The following ROBO1 variants were observed in gnomAD, a reference collection of about 807,000 sequenced individuals.
The protein encoded by ROBO1 is roundabout homolog 1.
In ROBO1, 149 loss-of-function variants were observed where a neutral mutation model predicts 195.9. The ratio of observed to expected loss-of-function variants is 0.76; its 90% CI spans 0.67 to 0.87. The LOEUF is 0.87. Among genes scored for constraint, ROBO1 ranks in the 40% least tolerant of loss-of-function variants. The pLI is 0.00. For synonymous variants in ROBO1, 816 were observed against 733.2 expected, an observed-to-expected ratio of 1.11 and a Z score of -1.82; for missense variants, 1,933 against 2,068.3, an observed-to-expected ratio of 0.93 and a Z score of 1.27.
chr3:79,584,818 T>G (rs1198041672), intron 2 of ROBO1, among the ~76,000 whole-genome samples: 1 of 151,576 alleles, frequency 6.6e-6, no homozygotes, highest in African/African-American at 2.4e-5. Flanking sequence ...CACTAGCTCA[T>G]TTAACTTTGC....
intron 2 of ROBO1, among the ~76,000 whole-genome samples, chr3:79,504,191 A>T (rs1940269983): frequency 6.6e-6 from 1 of 152,180 alleles, no homozygotes; most frequent in South Asian, 2.1e-4. Flanking sequence ...TTATATTTGA[A>T]AAGATTCTAC....
At chr3:78,985,049 C>T (rs1416873649) in intron 3 of ROBO1, among the ~76,000 whole-genome samples, 6 of 152,076 alleles carry the variant, frequency 3.9e-5, no homozygotes, top group Admixed American at 1.3e-4. Context: ...TGCAGTGGCT[C>T]GCACCTGTAA....
At chr3:79,205,293 C>T (rs971893317) in intron 2 of ROBO1, among the ~76,000 whole-genome samples, 4 of 152,070 alleles carry the variant, frequency 2.6e-5, no homozygotes, top group Middle Eastern at 3.2e-3. Context: ...CATGTCCGGC[C>T]TCTAGAGGAT....
intron 14 of ROBO1, among the ~76,000 whole-genome samples, chr3:78,662,788 G>C (rs1186885683): frequency 6.6e-6 from 1 of 152,122 alleles, no homozygotes; most frequent in Non-Finnish European, 1.5e-5. Flanking sequence ...TCATAGTAAA[G>C]AAGGTTTAAT....
intron 4 of ROBO1, among the ~76,000 whole-genome samples, chr3:78,786,097 A>G (rs567127480): frequency 6.6e-6 from 1 of 152,286 alleles, no homozygotes; most frequent in South Asian, 2.1e-4. Flanking sequence ...ACATAAGATC[A>G]GAAGTCCTTT....
intron 3 of ROBO1, among the ~76,000 whole-genome samples, chr3:78,966,819 GTCTC>G (rs2076654892): frequency 6.6e-6 from 1 of 152,006 alleles, no homozygotes; most frequent in South Asian, 2.1e-4. Context: ...ATCAGATCTG[GTCTC>G]TCTGTAGATC....
At chr3:79,606,699 C>A (rs951459933) in intron 1 of ROBO1, among the ~76,000 whole-genome samples, 3 of 152,086 alleles carry the variant, frequency 2.0e-5, no homozygotes, top group Admixed American at 1.3e-4. Context: ...CCAGTGGTCA[C>A]CCTTGATATC....
Position 78,709,004 on chromosome 3 carries a change from A to G in ROBO1, c.1045+5393T>C, listed in dbSNP as rs576061746. Reference sequence around the variant, plus strand: ...TTTTGTTTGTGTATTTTAGGTTCACAAAAAGATTTCTTGAAAGAAAGGTAT... The same window carrying G: ...TTTTGTTTGTGTATTTTAGGTTCACGAAAAGATTTCTTGAAAGAAAGGTAT... On this transcript the variant is annotated intron_variant, in intron 8 of 30. Transcript: ENST00000464233. Among the ~76,000 whole-genome samples, 5 of 152,318 alleles carry G rather than the reference A, an allele frequency of 3.3e-5. No homozygotes were observed. In the South Asian group the frequency reaches 1.0e-3, roughly 32 times the overall value.
intron 3 of ROBO1, among the ~76,000 whole-genome samples, chr3:78,993,975 A>T (rs1271754387): frequency 6.6e-6 from 1 of 151,890 alleles, no homozygotes; most frequent in African/African-American, 2.4e-5. Flanking sequence ...TGGTTATTTT[A>T]CTAGATACCA....
intron 2 of ROBO1, among the ~76,000 whole-genome samples, chr3:79,388,117 A>T (rs540738975): frequency 5.3e-5 from 8 of 152,282 alleles, no homozygotes; most frequent in African/African-American, 1.4e-4. Context: ...TTTATAGTGA[A>T]ACTAAGATCT....
rs2081696139 is a variant in ROBO1, at chr3:78,711,346, TCC to T, written c.1045+3049_1045+3050del. 2.4e-4 allele frequency among the ~76,000 whole-genome samples: 13 copies of T among 53,640 alleles called. No individual in the cohort carries two copies. In the East Asian group the frequency reaches 0.013, roughly 54 times the overall value. 35.2% of individuals were successfully genotyped at this position (53,640 alleles called of 152,430 possible). The stretch of plus-strand genomic sequence containing the variant: ...CTCTCTCCTTCCTTCCTTCCTTCCT[TCC>T]TCCTTCCTTCCTTCCTTCCTTCCTT... On this transcript the variant is annotated intron_variant, in intron 8 of 30. Transcript: ENST00000464233.
chr3:79,530,038 G>A (rs1278469498), intron 2 of ROBO1, among the ~76,000 whole-genome samples: 2 of 152,008 alleles, frequency 1.3e-5, no homozygotes, highest in African/African-American at 4.8e-5. Flanking sequence ...CAACCTAATA[G>A]GAGAGATGTC....
chr3:79,541,555 C>T (rs112130627), intron 2 of ROBO1, among the ~76,000 whole-genome samples: 7 of 152,096 alleles, frequency 4.6e-5, no homozygotes, highest in Middle Eastern at 3.4e-3. Context: ...TAAAATATTC[C>T]TCCCTTCTTA....
chr3:78,668,011 T>C lies in ROBO1; in HGVS notation c.1838A>G (p.Asn613Ser). ...SGSSWQTVAE[N>S]VKTETSAIKG... ...AATGGCAGATGTTTCTGTTTTCACA[T>C]TCTCTGCTACGGTCTGCCAGCTGCT... The change falls in exon 14 of 31, where the codon AAT (asparagine) becomes AGT (serine). Residue 613 changes from asparagine to serine, a missense_variant. Transcript: ENST00000464233. 1 of 1,613,718 alleles carries C rather than the reference T, an allele frequency of 6.2e-7. No individual in the cohort carries two copies. The highest frequency in any genetic ancestry group is 1.1e-5 in the South Asian group (1 of 91,058).
intron 10 of ROBO1, among the ~76,000 whole-genome samples, chr3:78,675,434 G>A (rs1035932329): frequency 4.6e-5 from 7 of 152,096 alleles, no homozygotes; most frequent in African/African-American, 7.2e-5. Flanking sequence ...GGTGACAGAC[G>A]GCACCTGGAA....
chr3:78,621,594 GT>G (rs1451711045), intron 26 of ROBO1, among the ~76,000 whole-genome samples: 1 of 152,170 alleles, frequency 6.6e-6, no homozygotes, highest in African/African-American at 2.4e-5. Context: ...AACATGTACA[GT>G]TTGAAATATG....
At chr3:78,707,585 T>G (rs900022624) in intron 8 of ROBO1, among the ~76,000 whole-genome samples, 3 of 152,164 alleles carry the variant, frequency 2.0e-5, no homozygotes, top group Admixed American at 2.0e-4. Context: ...GTTGAGAGAC[T>G]AGAGTGACTT....
At chr3:78,728,129 T>C (rs896892150) in intron 5 of ROBO1, among the ~76,000 whole-genome samples, 2 of 152,196 alleles carry the variant, frequency 1.3e-5, no homozygotes, top group Non-Finnish European at 1.5e-5. Flanking sequence ...TGCTTCATTT[T>C]CCCAAAATTT....
At chr3:79,265,688 C>T (rs567124773) in intron 2 of ROBO1, among the ~76,000 whole-genome samples, 2 of 151,320 alleles carry the variant, frequency 1.3e-5, no homozygotes, top group Non-Finnish European at 3.0e-5. Context: ...ATTTTTCAAT[C>T]GAATATTCTC....
Sources: gnomAD v4.1 joint callset for allele counts (sites outside exome capture counted in the v4.1 genomes callset) on GRCh38, gnomAD v4.1.1 for gene constraint, MANE v1.5 for transcripts, NCBI Gene and HGNC (gene_info 2026-07-23, HGNC 2026-07-21) for gene names.